Variants in EPHB1 observed in about 807,000 individuals in gnomAD.
EPHB1 encodes the protein EPH receptor B1, also known as ephrin type-B receptor 1.
EPHB1 carries 30 observed loss-of-function variants against 94.4 expected under a neutral mutation model. The observed-to-expected ratio is 0.32, with a 90% CI of 0.24 to 0.43. The LOEUF (loss-of-function observed/expected upper bound fraction) is 0.43, where lower values mean the gene tolerates loss of function less well. EPHB1 is among the 20% of genes least tolerant of loss of function. The pLI, the probability that EPHB1 is intolerant of heterozygous loss-of-function variation, is 1.00. For missense variants in EPHB1, 1,055 were observed against 1,308.3 expected, an observed-to-expected ratio of 0.81 and a Z score of 2.99; for synonymous variants, 522 against 489.1, an observed-to-expected ratio of 1.07 and a Z score of -0.89.
chr3:134,892,980 G>A (rs1235532879), intron 1 of EPHB1, among the ~76,000 whole-genome samples: 1 of 152,108 alleles, frequency 6.6e-6, no homozygotes, highest in African/African-American at 2.4e-5. Context: ...GATGCATCCT[G>A]CACAGAGGCA....
At chr3:134,925,980 A>G in intron 2 of EPHB1, 100 bp downstream of exon 2, 1 of 1,065,974 alleles carries the variant, frequency 9.4e-7, no homozygotes, top group Non-Finnish European at 1.3e-6. Flanking sequence ...CCTGTGGGGA[A>G]TGGAATACAG....
At chr3:134,887,965 T>C (rs898982120) in intron 1 of EPHB1, among the ~76,000 whole-genome samples, 17 of 152,332 alleles carry the variant, frequency 1.1e-4, no homozygotes, top group African/African-American at 4.1e-4. Context: ...GTGAGAGCTT[T>C]TGCAAGTTTA....
chr3:135,082,152 C>T (rs1364594847), intron 3 of EPHB1, among the ~76,000 whole-genome samples: 1 of 152,104 alleles, frequency 6.6e-6, no homozygotes, highest in Non-Finnish European at 1.5e-5. Flanking sequence ...CTGGGGAAGC[C>T]ATGTTCCGTG....
At chr3:134,964,106 C>T (rs1168549534) in intron 3 of EPHB1, among the ~76,000 whole-genome samples, 1 of 152,204 alleles carries the variant, frequency 6.6e-6, no homozygotes. Context: ...CAGAACAAAA[C>T]ACACTGAAAA....
At chr3:135,042,750 C>T (rs531538037) in intron 3 of EPHB1, among the ~76,000 whole-genome samples, 1 of 152,340 alleles carries the variant, frequency 6.6e-6, no homozygotes, top group South Asian at 2.1e-4. Context: ...TCTGTCCAAA[C>T]AGCAAGCTCA....
rs374110157 is a variant in EPHB1, at chr3:135,252,929, G to C, written c.2846+3438G>C. 6.9e-3 allele frequency among the ~76,000 whole-genome samples: 1,026 copies of C among 147,842 alleles called. 6 individuals carry two copies. The highest frequency in any genetic ancestry group is 0.021 in the African/African-American group (838 of 39,020). On this transcript the variant is annotated intron_variant, in intron 15 of 15. Transcript: ENST00000398015. The stretch of plus-strand genomic sequence containing the variant: ...CATTCTAACTGGTGTGAGATGGTAT[G>C]TCATTGTGGTTTTGATTTGCATTTC...
rs113568135 is a variant in EPHB1, at chr3:135,136,131, C to A, written c.1297+3082C>A. Among the ~76,000 whole-genome samples the A allele has an allele frequency of 6.7e-4, 102 of 152,244 alleles. 2 individuals are homozygous for A. The highest frequency in any genetic ancestry group is 2.4e-3 in the African/African-American group (100 of 41,518). On this transcript the variant is annotated intron_variant, in intron 5 of 15. Transcript: ENST00000398015. ...GTTCTGTCCTAAAAGTGGACAGTAC[C>A]TCTGGGCTCCCCATTTCATAGTCTC...
chr3:135,115,224 C>A (rs1939641833), intron 4 of EPHB1, among the ~76,000 whole-genome samples: 1 of 152,190 alleles, frequency 6.6e-6, no homozygotes, highest in Non-Finnish European at 1.5e-5. Context: ...ACTTTAGGGT[C>A]CCCTCTTGCC....
At position 134,951,319 on chromosome 3, in the gene EPHB1, A is replaced by T; in HGVS notation, c.124-52A>T. Reference sequence around the variant, plus strand: ...CTGCTATGCCTATTTTTGTATTCTCACTCTCTATTTTGTGTTTTTGCATGT... The same window carrying T: ...CTGCTATGCCTATTTTTGTATTCTCTCTCTCTATTTTGTGTTTTTGCATGT... On this transcript the variant is annotated intron_variant, in intron 2 of 15. Coordinates refer to ENST00000398015, the MANE Select transcript of EPHB1 (RefSeq NM_004441.5). This position sits in a 1 kb window ranked among gnomAD's most constrained non-coding sequence, Gnocchi z 4.5. 2 of 1,464,844 alleles carry T rather than the reference A, an allele frequency of 1.4e-6. No individual in the cohort carries two copies. Among genetic ancestry groups the T allele is most frequent in the Admixed American group, 2.5e-5 (1 of 39,256 alleles). The allele number at this position is 1,464,844 out of a possible 1,614,324, so 90.7% of individuals were successfully genotyped here. A position where few individuals can be genotyped will look rare whatever the true frequency, so the allele number is the denominator to read the frequency against.
chr3:135,182,523 C>G lies in EPHB1; in HGVS notation c.1882+2541C>G, dbSNP rs72979577. Among the ~76,000 whole-genome samples, 1,289 of 152,214 alleles carry G rather than the reference C, an allele frequency of 8.5e-3. 20 individuals are homozygous for G. Among genetic ancestry groups the G allele is most frequent in the African/African-American group, 0.029 (1,206 of 41,500 alleles). On this transcript the variant is annotated intron_variant, in intron 10 of 15. Coordinates refer to ENST00000398015, the MANE Select transcript of EPHB1 (RefSeq NM_004441.5). ...TCTGACAGATTTAGTGGGAAAAACTCAGGCCAGTAACAGTTAATTATTCCA... is the reference window on the plus strand; with the variant it reads ...TCTGACAGATTTAGTGGGAAAAACTGAGGCCAGTAACAGTTAATTATTCCA...
chr3:135,165,886 C>T (rs1248181160), intron 7 of EPHB1, 82 bp from the exon 8 acceptor site: 6 of 952,862 alleles, frequency 6.3e-6, no homozygotes, highest in Non-Finnish European at 1.0e-5. Context: ...ATATTTAGAT[C>T]ATGTTTTTGG....
chr3:135,198,476 C>A (rs1942678480), intron 11 of EPHB1, among the ~76,000 whole-genome samples: 1 of 152,204 alleles, frequency 6.6e-6, no homozygotes, highest in African/African-American at 2.4e-5. Flanking sequence ...AAGTTTAGGC[C>A]TGCATCATTA....
At chr3:135,015,399 C>T (rs1040054976) in intron 3 of EPHB1, among the ~76,000 whole-genome samples, 4 of 152,162 alleles carry the variant, frequency 2.6e-5, no homozygotes, top group Admixed American at 6.5e-5. Flanking sequence ...TGCCACCACA[C>T]CCAGCTAATT....
intron 1 of EPHB1, among the ~76,000 whole-genome samples, chr3:134,860,160 C>CACAG (rs2037220055): frequency 2.3e-5 from 3 of 131,520 alleles, no homozygotes; most frequent in Admixed American, 1.5e-4. Flanking sequence ...GACACACACA[C>CACAG]ACACACACAC....
At chr3:135,247,660 G>A (rs1459621067) in intron 13 of EPHB1, among the ~76,000 whole-genome samples, 2 of 152,098 alleles carry the variant, frequency 1.3e-5, no homozygotes, top group Admixed American at 6.6e-5. Flanking sequence ...TCTGATTGAC[G>A]GTATTCATTT....
chr3:134,928,032 C>T (rs2038827003), intron 2 of EPHB1, among the ~76,000 whole-genome samples: 1 of 152,238 alleles, frequency 6.6e-6, no homozygotes, highest in Non-Finnish European at 1.5e-5. Flanking sequence ...ACCAGTGACT[C>T]CCAAGTTAGT....
At chr3:135,112,626 G>C (rs1939501541) in intron 4 of EPHB1, among the ~76,000 whole-genome samples, 1 of 146,336 alleles carries the variant, frequency 6.8e-6, no homozygotes, top group Non-Finnish European at 1.5e-5. Context: ...ACCTCTGAGT[G>C]AGGACATGCG....
chr3:135,013,405 T>A (rs1488554387), intron 3 of EPHB1, among the ~76,000 whole-genome samples: 1 of 152,200 alleles, frequency 6.6e-6, no homozygotes, highest in Non-Finnish European at 1.5e-5. Flanking sequence ...ATGAGCAGAT[T>A]GCAGACACTG....
At chr3:134,798,324 C>T (rs1223461299) in intron 1 of EPHB1, among the ~76,000 whole-genome samples, 1 of 152,158 alleles carries the variant, frequency 6.6e-6, no homozygotes, top group Non-Finnish European at 1.5e-5. Flanking sequence ...AAGACACCCC[C>T]TGCCTGGGTG....
Sources: allele counts gnomAD v4.1 joint callset (sites outside exome capture counted in the v4.1 genomes callset), GRCh38; gene constraint gnomAD v4.1.1; non-coding constraint Gnocchi (gnomAD v3.1); transcripts MANE v1.5; gene names NCBI Gene and HGNC (gene_info 2026-07-23, HGNC 2026-07-21).